PI4KA: variants seen among roughly 807,000 people sequenced by gnomAD.
The protein encoded by PI4KA is PI4-kinase alpha.
In PI4KA, 122 loss-of-function variants were observed where a neutral mutation model predicts 271.4. That is an observed-to-expected ratio of 0.45 (90% CI 0.39 to 0.52). The LOEUF (loss-of-function observed/expected upper bound fraction) is 0.52. Among genes scored for constraint, PI4KA ranks in the 20% least tolerant of loss-of-function variants. The pLI is 0.00. For missense variants in PI4KA, 1,969 were observed against 2,769.1 expected, an observed-to-expected ratio of 0.71 and a Z score of 6.48; for synonymous variants, 1,041 against 1,078.8, an observed-to-expected ratio of 0.96 and a Z score of 0.69.
chr22:20,744,204 T>C (rs532003329), intron 30 of PI4KA, among the ~76,000 whole-genome samples: 1 of 152,092 alleles, frequency 6.6e-6, no homozygotes, highest in South Asian at 2.1e-4. Flanking sequence ...CGATGTGGAG[T>C]TGGAAGATGT....
chr22:20,714,363 G>A, intron 47 of PI4KA, 95 bp downstream of exon 47: 2 of 1,504,778 alleles, frequency 1.3e-6, no homozygotes, highest in Non-Finnish European at 1.8e-6. Context: ...CATCTTTTAT[G>A]GAGAGCTATA....
intron 45 of PI4KA, among the ~76,000 whole-genome samples, chr22:20,714,986 A>G (rs1243033847): frequency 6.6e-6 from 1 of 152,100 alleles, no homozygotes; most frequent in Non-Finnish European, 1.5e-5. Context: ...TCACGGATAC[A>G]GCCCTACTGC....
At chr22:20,780,166 C>T (rs1247785389) in intron 19 of PI4KA, 1 of 1,614,108 alleles carries the variant, frequency 6.2e-7, no homozygotes, top group Non-Finnish European at 8.5e-7. Flanking sequence ...GACCCTGCTA[C>T]CCAGATGATG....
rs764012980 is a variant in PI4KA, at chr22:20,804,992, C to G, written c.1342G>C (p.Ala448Pro). The change falls in exon 11 of 55, where the codon GCT (alanine) becomes CCT (proline). Residue 448 changes from alanine to proline, a missense_variant. By Grantham distance (27) the Ala-to-Pro change is conservative (BLOSUM62 -1). Coordinates refer to ENST00000255882, the MANE Select transcript of PI4KA (RefSeq NM_058004.4). The part of the protein sequence containing the change: ...NAACVDLMVW[A>P]VKDEQGAENL... ...GTCTCACCCTGCTCGTCCTTCACAGCCCACACCATGAGGTCCACACAGGCA... is the reference window on the plus strand; with the variant it reads ...GTCTCACCCTGCTCGTCCTTCACAGGCCACACCATGAGGTCCACACAGGCA... The G allele has an allele frequency of 2.5e-6, 4 of 1,613,342 alleles. No individual in the cohort carries two copies. The highest frequency in any genetic ancestry group is 3.4e-6 in the Non-Finnish European group (4 of 1,179,506).
chr22:20,828,187 A>C (rs1358838925), intron 3 of PI4KA, among the ~76,000 whole-genome samples: 1 of 152,108 alleles, frequency 6.6e-6, no homozygotes, highest in Admixed American at 6.5e-5. Context: ...AATGCTTCTG[A>C]TTTTTGTACA....
At chr22:20,820,799 T>C (rs758086391) in intron 4 of PI4KA, among the ~76,000 whole-genome samples, 188 bp from the exon 5 acceptor site, 30 of 152,222 alleles carry the variant, frequency 2.0e-4, no homozygotes, top group Non-Finnish European at 4.0e-4. Context: ...CCTCACTCTC[T>C]GGGCTGGTTC....
intron 30 of PI4KA, chr22:20,743,021 C>T (rs1338731654): frequency 2.0e-6 from 1 of 511,846 alleles, no homozygotes; most frequent in Non-Finnish European, 3.5e-6. Context: ...AGGGTGGGAA[C>T]CTTGTCCCTC....
chr22:20,798,697 A>G lies in PI4KA; in HGVS notation c.2005-10T>C. ...CCTGATAGATGTATTGCTGGGAGAGAGCAAGATGCACTGTCACCATGCAGG... is the reference window on the plus strand; with the variant it reads ...CCTGATAGATGTATTGCTGGGAGAGGGCAAGATGCACTGTCACCATGCAGG... On this transcript the variant is annotated splice_polypyrimidine_tract_variant and intron_variant, in intron 16 of 54. Coordinates refer to ENST00000255882, the MANE Select transcript of PI4KA (RefSeq NM_058004.4). 6.4e-7 allele frequency: 1 copy of G among 1,572,374 alleles called. No homozygotes were observed. Among genetic ancestry groups the G allele is most frequent in the Non-Finnish European group, 8.8e-7 (1 of 1,142,000 alleles).
chr22:20,767,965 T>TTATTATTA (rs1932686458), intron 19 of PI4KA, among the ~76,000 whole-genome samples: 2 of 146,386 alleles, frequency 1.4e-5, no homozygotes, highest in African/African-American at 4.9e-5. Flanking sequence ...ATTATTATTA[T>TTATTATTA]TATTATTATT....
intron 32 of PI4KA, among the ~76,000 whole-genome samples, chr22:20,741,355 G>C (rs1033874881): frequency 1.3e-5 from 2 of 152,202 alleles, no homozygotes; most frequent in East Asian, 3.9e-4. Context: ...AGCCCTGCAG[G>C]CTGAAGCGTG....
intron 40 of PI4KA, 103 bp from the exon 41 acceptor site, chr22:20,727,500 C>A: frequency 1.8e-6 from 2 of 1,120,434 alleles, no homozygotes; most frequent in Non-Finnish European, 1.2e-6. Flanking sequence ...AGTGATGTTT[C>A]TAAGCATCGG....
intron 14 of PI4KA, among the ~76,000 whole-genome samples, chr22:20,800,324 C>A (rs1325624589): frequency 6.6e-6 from 1 of 152,086 alleles, no homozygotes; most frequent in Non-Finnish European, 1.5e-5. Flanking sequence ...GAACCAGAAT[C>A]CAGGGAAAGA....
At chr22:20,829,191 C>T (rs2147738566) in intron 3 of PI4KA, among the ~76,000 whole-genome samples, 1 of 152,136 alleles carries the variant, frequency 6.6e-6, no homozygotes, top group South Asian at 2.1e-4. Flanking sequence ...GGGAGGAGTC[C>T]CTCCTCCTTA....
intron 1 of PI4KA, among the ~76,000 whole-genome samples, chr22:20,849,988 G>A (rs915252257): frequency 2.0e-5 from 3 of 152,182 alleles, no homozygotes; most frequent in Non-Finnish European, 4.4e-5. Flanking sequence ...GGCTGGTAGG[G>A]CTGCAGGGTA....
intron 19 of PI4KA, among the ~76,000 whole-genome samples, chr22:20,786,382 G>A (rs982421771): frequency 6.6e-6 from 1 of 152,184 alleles, no homozygotes; most frequent in Non-Finnish European, 1.5e-5. Context: ...GCAGCCATGG[G>A]GTGAGCCCCA....
At chr22:20,765,046 G>C (rs1357208819) in intron 21 of PI4KA, 54 bp downstream of exon 21, 1 of 1,585,590 alleles carries the variant, frequency 6.3e-7, no homozygotes, top group African/African-American at 1.3e-5. Flanking sequence ...ACAGTGAAAA[G>C]ATCTGCCCTA....
At chr22:20,719,957 CG>C (rs1926502159) in intron 43 of PI4KA, among the ~76,000 whole-genome samples, 1 of 132,746 alleles carries the variant, frequency 7.5e-6, no homozygotes, top group South Asian at 2.6e-4. Flanking sequence ...ACCTGGGAGG[CG>C]GAGCTTGCAG....
chr22:20,742,621 G>A lies in PI4KA; in HGVS notation c.3600C>T (p.Leu1200=), dbSNP rs970418541. ...TCAGTGAGTTACCTTTACTGCTAATGAGCATTGCGGTCAGCTTGAACATGG... is the reference window on the plus strand; with the variant it reads ...TCAGTGAGTTACCTTTACTGCTAATAAGCATTGCGGTCAGCTTGAACATGG... ...TQAMFKLTAM[L]ISSKDCDPQL... is the part of the protein sequence containing the mutation. The change falls in exon 31 of 55, where the codon CTC becomes CTT. Residue 1200 remains leucine, a synonymous_variant. Transcript: ENST00000255882. 5 of 1,614,154 alleles carry A rather than the reference G, an allele frequency of 3.1e-6. No homozygotes were observed. Among genetic ancestry groups the A allele is most frequent in the African/African-American group, 1.3e-5 (1 of 75,040 alleles).
At chr22:20,833,933 C>G (rs754376028) in intron 3 of PI4KA, among the ~76,000 whole-genome samples, 6 of 152,054 alleles carry the variant, frequency 3.9e-5, no homozygotes, top group Admixed American at 1.3e-4. Context: ...GCTGGGATTA[C>G]AGGTATGAGC....
Sources: gnomAD v4.1 joint callset for allele counts (sites outside exome capture counted in the v4.1 genomes callset) on GRCh38, gnomAD v4.1.1 for gene constraint, MANE v1.5 for transcripts, NCBI Gene and HGNC (gene_info 2026-07-23, HGNC 2026-07-21) for gene names.